The following COL4A1 variants were observed in gnomAD, a reference collection of about 807,000 sequenced individuals.
COL4A1 encodes collagen alpha-1(IV) chain.
In COL4A1, 40 loss-of-function variants were observed where a neutral mutation model predicts 216.6. The ratio of observed to expected loss-of-function variants is 0.18; its 90% CI spans 0.14 to 0.24. COL4A1 has a LOEUF of 0.24. COL4A1 is among the 10% of genes least tolerant of loss of function. The pLI, the probability that COL4A1 is intolerant of heterozygous loss-of-function variation, is 1.00. For missense variants in COL4A1, 1,628 were observed against 2,196.8 expected (o/e 0.74, Z 5.18); for synonymous variants, 839 against 810.7 (o/e 1.03, Z -0.59).
At position 110,178,849 on chromosome 13, in the gene COL4A1, ACCC is replaced by A. The variant is rs1410255000; in HGVS notation, c.2458+71_2458+73del. The stretch of plus-strand genomic sequence containing the variant: ...TTGTGCTAAGCTTCACTTTATAGGG[ACCC>A]CGGCCTCATCCCCCATGCTTCAGAA... On this transcript the variant is annotated intron_variant, in intron 31 of 51. Coordinates refer to ENST00000375820, the MANE Select transcript of COL4A1 (RefSeq NM_001845.6). 2.7e-6 allele frequency: 3 copies of A among 1,124,422 alleles called. No individual in the cohort carries two copies. The East Asian group carries it at 7.6e-5, about 28-fold the overall frequency. 69.7% of individuals were successfully genotyped at this position (1,124,422 alleles called of 1,614,324 possible). A position where few individuals can be genotyped will look rare whatever the true frequency, so the allele number is the denominator to read the frequency against.
chr13:110,179,081 C>T (rs201947375), intron 30 of COL4A1, 45 bp from the exon 31 acceptor site: 950 of 1,574,770 alleles, frequency 6.0e-4, no homozygotes, highest in Non-Finnish European at 7.9e-4. Context: ...AGCAGTGGCA[C>T]GTCTCCCGGC....
At chr13:110,182,860 C>A in intron 28 of COL4A1, 133 bp downstream of exon 28, 2 of 791,798 alleles carry the variant, frequency 2.5e-6, no homozygotes, top group South Asian at 3.4e-5. Flanking sequence ...GGGCTCAGCA[C>A]TGCTTGGGCT....
rs1882397063 is a variant in COL4A1 at position 110,253,956 on chromosome 13, A to ATG, written c.85-11223_85-11222insCA. Among the ~76,000 whole-genome samples the ATG allele has an allele frequency of 2.0e-5, 3 of 152,120 alleles. No individual in the cohort carries two copies. The South Asian group carries it at 6.2e-4, about 32-fold the overall frequency. On this transcript the variant is annotated intron_variant, in intron 1 of 51. Coordinates refer to ENST00000375820, the MANE Select transcript of COL4A1 (RefSeq NM_001845.6). ...AGAAGGTTTGTAAAAGAAATGCGCT[A>ATG]CAGGTTGAATATTCCTAACCCCAAA...
At chr13:110,166,102 T>C in intron 45 of COL4A1, 130 bp downstream of exon 45, 1 of 761,018 alleles carries the variant, frequency 1.3e-6, no homozygotes. Context: ...GAATTCCCTA[T>C]CAATTGTTTT....
chr13:110,256,261 C>T (rs1882562511), intron 1 of COL4A1, among the ~76,000 whole-genome samples: 2 of 152,104 alleles, frequency 1.3e-5, no homozygotes, highest in Non-Finnish European at 2.9e-5. Context: ...CGGGCATATT[C>T]TAGTCCGGGG....
intron 41 of COL4A1, among the ~76,000 whole-genome samples, chr13:110,171,472 A>G (rs1441081194): frequency 6.6e-6 from 1 of 152,196 alleles, no homozygotes; most frequent in Admixed American, 6.5e-5. Context: ...TGTCAGTGAA[A>G]CTTCAATAGA....
At chr13:110,249,715 A>G (rs1881992264) in intron 1 of COL4A1, among the ~76,000 whole-genome samples, 1 of 152,176 alleles carries the variant, frequency 6.6e-6, no homozygotes, top group Non-Finnish European at 1.5e-5. Context: ...CGCCTTTGAT[A>G]TGTTTCTGTA....
intron 1 of COL4A1, among the ~76,000 whole-genome samples, chr13:110,277,634 G>A (rs917823310): frequency 3.9e-5 from 6 of 152,174 alleles, no homozygotes; most frequent in South Asian, 2.1e-4. Flanking sequence ...CAGTATGTCC[G>A]TGTAACACAA....
At chr13:110,191,686 TAAG>T (rs986282146) in intron 24 of COL4A1, 20 of 670,952 alleles carry the variant, frequency 3.0e-5, no homozygotes, top group African/African-American at 1.8e-4. Flanking sequence ...TTTTCAACTG[TAAG>T]AAGAAGAATA....
At chr13:110,273,339 AC>A (rs1883313471) in intron 1 of COL4A1, among the ~76,000 whole-genome samples, 1 of 152,212 alleles carries the variant, frequency 6.6e-6, no homozygotes, top group East Asian at 1.9e-4. Context: ...GGAATGACCT[AC>A]CTGTGTCAAA....
chr13:110,284,490 C>T (rs1460204424), intron 1 of COL4A1, among the ~76,000 whole-genome samples: 1 of 152,172 alleles, frequency 6.6e-6, no homozygotes, highest in Non-Finnish European at 1.5e-5. Context: ...CCTTCAGTCC[C>T]TTAAGAAATA....
At position 110,178,240 on chromosome 13, in the gene COL4A1, G is replaced by A. The variant is rs2139164403; in HGVS notation, c.2459-9C>T. 1.2e-6 allele frequency: 2 copies of A among 1,613,600 alleles called. No homozygotes were observed. Among genetic ancestry groups the A allele is most frequent in the South Asian group, 2.2e-5 (2 of 91,064 alleles). ...TTTTATTCCAGGAGGGCCTGCAGTTGGGTGAAACACAAATAACTTTTAGCA... is the reference window on the plus strand; with the variant it reads ...TTTTATTCCAGGAGGGCCTGCAGTTAGGTGAAACACAAATAACTTTTAGCA... On this transcript the variant is annotated splice_polypyrimidine_tract_variant and intron_variant, in intron 31 of 51. Transcript: ENST00000375820.
At chr13:110,254,656 T>C (rs1400215458) in intron 1 of COL4A1, among the ~76,000 whole-genome samples, 1 of 152,184 alleles carries the variant, frequency 6.6e-6, no homozygotes, top group Non-Finnish European at 1.5e-5. Context: ...CAATTAAATA[T>C]TTTAAATCAT....
chr13:110,175,174 C>T, intron 37 of COL4A1, 44 bp downstream of exon 37: 2 of 1,612,060 alleles, frequency 1.2e-6, no homozygotes, highest in Non-Finnish European at 1.7e-6. Flanking sequence ...AGCATCTCCA[C>T]TGAGCTGGGA....
In COL4A1 at chr13:110,151,979, T is replaced by G. The variant is rs1349629048; in HGVS notation, c.4928+355A>C. The stretch of plus-strand genomic sequence containing the variant: ...ATTACGATCAGTGTTATGAATGGCA[T>G]GAAAATGAACGCTGCTCACTTCTTC... On this transcript the variant is annotated intron_variant, in intron 51 of 51. Coordinates refer to ENST00000375820, the MANE Select transcript of COL4A1 (RefSeq NM_001845.6). 4.6e-5 allele frequency among the ~76,000 whole-genome samples: 7 copies of G among 152,228 alleles called. No individual in the cohort carries two copies. In the East Asian group the frequency reaches 1.3e-3, roughly 29 times the overall value.
intron 1 of COL4A1, among the ~76,000 whole-genome samples, chr13:110,259,938 G>C (rs993365673): frequency 6.6e-6 from 1 of 152,130 alleles, no homozygotes. Context: ...CCTTCTTTAC[G>C]TAATGGATGT....
intron 1 of COL4A1, among the ~76,000 whole-genome samples, chr13:110,274,166 G>A (rs992941153): frequency 6.6e-6 from 1 of 152,212 alleles, no homozygotes; most frequent in African/African-American, 2.4e-5. Context: ...AATACCTAAT[G>A]AGGAGACAGC....
rs147801032 is a variant in COL4A1, at chr13:110,173,929, G to A, written c.3476C>T (p.Pro1159Leu). 9.3e-6 allele frequency: 15 copies of A among 1,614,154 alleles called. No individual in the cohort carries two copies. The highest frequency in any genetic ancestry group is 1.6e-4 in the Middle Eastern group (1 of 6,062). The change falls in exon 40 of 52, where the codon CCG becomes CTG. Residue 1159 changes from proline to leucine, a missense_variant. By Grantham distance (98) the Pro-to-Leu change is moderately conservative. Coordinates refer to ENST00000375820, the MANE Select transcript of COL4A1 (RefSeq NM_001845.6). The stretch of plus-strand genomic sequence containing the variant: ...TTCACCCTTCTCTCCTGCTGACCCC[G>A]GGATTCCATCACTGCCTGGCTCCCC... ...QKGEPGSDGI[P>L]GSAGEKGEPG...
At chr13:110,251,703 G>A (rs893149914) in intron 1 of COL4A1, among the ~76,000 whole-genome samples, 3 of 152,182 alleles carry the variant, frequency 2.0e-5, no homozygotes, top group African/African-American at 7.2e-5. Flanking sequence ...CAGGATGAGG[G>A]AAAGACGGCG....
Sources: gnomAD v4.1 joint callset for allele counts (sites outside exome capture counted in the v4.1 genomes callset) on GRCh38, gnomAD v4.1.1 for gene constraint, MANE v1.5 for transcripts, NCBI Gene and HGNC (gene_info 2026-07-23, HGNC 2026-07-21) for gene names.